The following DIAPH3 variants were observed in gnomAD, a reference collection of about 807,000 sequenced individuals.
The protein encoded by DIAPH3 is diaphanous related formin 3, also known as protein diaphanous homolog 3.
In DIAPH3, 117 loss-of-function variants were observed where a neutral mutation model predicts 144.3. The ratio of observed to expected loss-of-function variants is 0.81; its 90% confidence interval spans 0.70 to 0.95. The LOEUF (loss-of-function observed/expected upper bound fraction) is 0.95. DIAPH3 is among the 40% of genes least tolerant of loss of function. DIAPH3 has a pLI of 0.00. For missense variants in DIAPH3, 1,421 were observed against 1,412.7 expected (o/e 1.01, Z -0.09); for synonymous variants, 519 against 488.9 (o/e 1.06, Z -0.81).
At chr13:60,056,345 G>T (rs1276722283) in intron 4 of DIAPH3, among the ~76,000 whole-genome samples, 1 of 151,488 alleles carries the variant, frequency 6.6e-6, no homozygotes, top group African/African-American at 2.4e-5. Flanking sequence ...CATAGACATA[G>T]ATAGATGAAA....
chr13:59,820,352 T>C (rs963620839), intron 24 of DIAPH3, among the ~76,000 whole-genome samples: 16 of 151,970 alleles, frequency 1.1e-4, no homozygotes, highest in Non-Finnish European at 2.1e-4. Flanking sequence ...AGGCAAGATG[T>C]AGTTCTCAAC....
Position 59,749,507 on chromosome 13 carries a change from G to A in DIAPH3, c.3319+24682C>T, listed in dbSNP as rs368601330. ...TGCACTCCAGCCTGGGTGACAGAGC[G>A]AGACTCCATCTCAAAAAAAAAAAAA... is the stretch of plus-strand genomic sequence containing the variant. On this transcript the variant is annotated intron_variant, in intron 27 of 27. Transcript: ENST00000400324. Among the ~76,000 whole-genome samples the A allele has an allele frequency of 9.5e-4, 106 of 111,502 alleles. No homozygotes were observed. The East Asian group carries it at 0.018, about 19-fold the overall frequency. The allele number at this position is 111,502 out of a possible 152,430, so 73.1% of individuals were successfully genotyped here.
At chr13:59,680,844 G>C (rs1218595835) in intron 27 of DIAPH3, among the ~76,000 whole-genome samples, 1 of 152,014 alleles carries the variant, frequency 6.6e-6, no homozygotes, top group African/African-American at 2.4e-5. Flanking sequence ...ATTTGGAAGG[G>C]GAAGGAAAAC....
At chr13:60,160,546 A>G (rs549548606) in intron 1 of DIAPH3, among the ~76,000 whole-genome samples, 1 of 152,326 alleles carries the variant, frequency 6.6e-6, no homozygotes, top group African/African-American at 2.4e-5. Context: ...GGCTTTCCAC[A>G]ATCTGTAGGA....
chr13:59,827,048 C>T (rs1209122450), intron 24 of DIAPH3, among the ~76,000 whole-genome samples: 2 of 152,166 alleles, frequency 1.3e-5, no homozygotes, highest in Non-Finnish European at 2.9e-5. Context: ...GGAATAAAGA[C>T]TTAAACGTTA....
chr13:59,828,849 G>A (rs1008831573), intron 24 of DIAPH3, among the ~76,000 whole-genome samples: 3 of 151,756 alleles, frequency 2.0e-5, no homozygotes, highest in Non-Finnish European at 2.9e-5. Context: ...CATTCCCAAT[G>A]AGCACATTAT....
chr13:59,990,921 A>AT (rs967166150), intron 12 of DIAPH3, among the ~76,000 whole-genome samples: 1 of 151,964 alleles, frequency 6.6e-6, no homozygotes, highest in African/African-American at 2.4e-5. Context: ...GCTAGTTTGC[A>AT]TTTTTATTCA....
At chr13:59,760,353 A>C (rs2037512995) in intron 27 of DIAPH3, among the ~76,000 whole-genome samples, 1 of 152,246 alleles carries the variant, frequency 6.6e-6, no homozygotes, top group Non-Finnish European at 1.5e-5. Flanking sequence ...TGGTTTATCA[A>C]ATATCAACTT....
At chr13:59,809,754 C>T (rs773163238) in intron 25 of DIAPH3, among the ~76,000 whole-genome samples, 34 of 152,068 alleles carry the variant, frequency 2.2e-4, no homozygotes, top group Non-Finnish European at 3.8e-4. Flanking sequence ...GTACTCGTTT[C>T]GCTTTAGTAA....
intron 27 of DIAPH3, among the ~76,000 whole-genome samples, chr13:59,703,016 C>T (rs986362585): frequency 6.6e-6 from 1 of 152,176 alleles, no homozygotes; most frequent in African/African-American, 2.4e-5. Context: ...ATGTCTGGCA[C>T]TCTCTATCCC....
At chr13:59,901,326 C>G (rs529048965) in intron 20 of DIAPH3, among the ~76,000 whole-genome samples, 1 of 152,376 alleles carries the variant, frequency 6.6e-6, no homozygotes, top group South Asian at 2.1e-4. Context: ...GCCACAGCCA[C>G]TGGCCTCACA....
intron 4 of DIAPH3, among the ~76,000 whole-genome samples, chr13:60,046,006 T>C (rs944251808): frequency 6.6e-6 from 1 of 152,216 alleles, no homozygotes; most frequent in Non-Finnish European, 1.5e-5. Context: ...GTACCTGATA[T>C]TTTTAGATTT....
At chr13:59,987,475 T>TAA (rs201333360) in intron 12 of DIAPH3, among the ~76,000 whole-genome samples, 7,604 of 70,008 alleles carry the variant, frequency 0.11, 313 homozygotes, top group Middle Eastern at 0.25. Context: ...TAAAGTATAA[T>TAA]AAAAAAAAAA....
chr13:60,108,778 G>A (rs1457498453), intron 3 of DIAPH3, among the ~76,000 whole-genome samples: 1 of 152,116 alleles, frequency 6.6e-6, no homozygotes, highest in Non-Finnish European at 1.5e-5. Flanking sequence ...GTAAATGGAT[G>A]TGACTGATGC....
chr13:59,972,754 G>A (rs868620303), intron 15 of DIAPH3, among the ~76,000 whole-genome samples: 6 of 152,174 alleles, frequency 3.9e-5, no homozygotes, highest in South Asian at 2.1e-4. Flanking sequence ...ATTTGATAAA[G>A]TGTGAAGACT....
chr13:59,911,764 A>T lies in DIAPH3; in HGVS notation c.2338T>A (p.Leu780Ile). 6.2e-7 allele frequency: 1 copy of T among 1,613,678 alleles called. No individual in the cohort carries two copies. Among genetic ancestry groups the T allele is most frequent in the Non-Finnish European group, 8.5e-7 (1 of 1,179,722 alleles). ...ACCACAAACTGCTCAGGTTCACATA[A>T]GTTGCTATATTCACTCTTGAACTGA... ...LSQFKSEYSNLCEPEQFVVVM... is the reference protein window; with the variant it reads ...LSQFKSEYSNICEPEQFVVVM... The change falls in exon 20 of 28, where the codon TTA (leucine) becomes ATA (isoleucine). Residue 780 changes from leucine (L) to isoleucine (I), a missense_variant. Transcript: ENST00000400324.
At chr13:59,962,272 T>C (rs144996871) in intron 17 of DIAPH3, among the ~76,000 whole-genome samples, 269 of 152,318 alleles carry the variant, frequency 1.8e-3, no homozygotes, top group African/African-American at 6.0e-3. Flanking sequence ...AAATAGTATT[T>C]TTAAATGCAT....
At chr13:59,734,953 T>G (rs2036071048) in intron 27 of DIAPH3, among the ~76,000 whole-genome samples, 1 of 152,142 alleles carries the variant, frequency 6.6e-6, no homozygotes, top group Non-Finnish European at 1.5e-5. Context: ...CTAAAGTGAG[T>G]CACTAAAACT....
chr13:59,670,870 T>C (rs1009899751), intron 27 of DIAPH3, among the ~76,000 whole-genome samples: 6 of 152,130 alleles, frequency 3.9e-5, no homozygotes, highest in South Asian at 2.1e-4. Context: ...AGGTGTGAGC[T>C]ACTGCACCCG....
Sources: allele counts gnomAD v4.1 joint callset (sites outside exome capture counted in the v4.1 genomes callset), GRCh38; gene constraint gnomAD v4.1.1; transcripts MANE v1.5; gene names NCBI Gene and HGNC (gene_info 2026-07-23, HGNC 2026-07-21).